CMPK1: variants seen among roughly 807,000 people sequenced by gnomAD.
CMPK1 encodes UMP-CMP kinase.
A neutral mutation model predicts 25.7 loss-of-function variants in CMPK1; 10 were observed. That is an observed-to-expected ratio of 0.39 (90% CI 0.24 to 0.66). The LOEUF is 0.66. Among genes scored for constraint, CMPK1 ranks in the 30% least tolerant of loss-of-function variants. The pLI is 0.48. For synonymous variants in CMPK1, 106 were observed against 101.5 expected, an observed-to-expected ratio of 1.04 and a Z score of -0.27; for missense variants, 199 against 280.5, an observed-to-expected ratio of 0.71 and a Z score of 2.08.
chr1:47,335,910 G>T (rs1482909745), intron 1 of CMPK1, among the ~76,000 whole-genome samples: 4 of 151,738 alleles, frequency 2.6e-5, no homozygotes, highest in Non-Finnish European at 4.4e-5. Context: ...TTACAGGCGT[G>T]CGCCACCACG....
intron 1 of CMPK1, among the ~76,000 whole-genome samples, chr1:47,355,369 A>C (rs1646552856): frequency 8.0e-6 from 1 of 125,354 alleles, no homozygotes; most frequent in Admixed American, 8.9e-5. Context: ...TTTTTTTGAG[A>C]CAGAGTCTCA....
intron 1 of CMPK1, among the ~76,000 whole-genome samples, chr1:47,339,459 T>C (rs1466940732): frequency 6.6e-6 from 1 of 152,196 alleles, no homozygotes; most frequent in Non-Finnish European, 1.5e-5. Context: ...AAACTTGATT[T>C]CATTTATCTT....
chr1:47,342,654 T>TC (rs1557801897), intron 1 of CMPK1, among the ~76,000 whole-genome samples: 1 of 129,000 alleles, frequency 7.8e-6, no homozygotes, highest in African/African-American at 4.1e-5. Context: ...TTTTTCTTTT[T>TC]TTTTTTTTTT....
chr1:47,346,471 T>G (rs1304129841), intron 1 of CMPK1, among the ~76,000 whole-genome samples: 1 of 152,104 alleles, frequency 6.6e-6, no homozygotes, highest in East Asian at 1.9e-4. Flanking sequence ...TTCTTATTAA[T>G]TTTATCTCCC....
intron 1 of CMPK1, among the ~76,000 whole-genome samples, chr1:47,355,095 G>A (rs916053649): frequency 1.3e-5 from 2 of 151,644 alleles, no homozygotes; most frequent in African/African-American, 4.8e-5. Context: ...CGCTCAGGTT[G>A]GAGTGCAATG....
chr1:47,366,253 T>A (rs1159609800), intron 1 of CMPK1, among the ~76,000 whole-genome samples: 1 of 152,244 alleles, frequency 6.6e-6, no homozygotes, highest in East Asian at 1.9e-4. Context: ...ATAGTATTTG[T>A]AAGTTGCTAT....
chr1:47,365,432 GAGA>G lies in CMPK1; in HGVS notation c.172-3036_172-3034del, dbSNP rs1439598310. 5.3e-5 allele frequency among the ~76,000 whole-genome samples: 8 copies of G among 152,010 alleles called. No homozygotes were observed. In the South Asian group the frequency reaches 8.3e-4, roughly 16 times the overall value. ...GTGGATTGCTTGAGCCCAGGAGTTT[GAGA>G]CCAGCCTGGGTAACATGGCAAAACC... On this transcript the variant is annotated intron_variant, in intron 1 of 5. Coordinates refer to ENST00000371873, the MANE Select transcript of CMPK1 (RefSeq NM_016308.3).
chr1:47,352,948 T>TA (rs1646533278), intron 1 of CMPK1, among the ~76,000 whole-genome samples: 2 of 152,214 alleles, frequency 1.3e-5, no homozygotes, highest in South Asian at 2.1e-4. Context: ...TACCAAAATT[T>TA]AAAAAAAATT....
At chr1:47,353,701 T>A (rs562339658) in intron 1 of CMPK1, among the ~76,000 whole-genome samples, 40 of 152,268 alleles carry the variant, frequency 2.6e-4, no homozygotes, top group African/African-American at 8.9e-4. Context: ...ATTTAAATCA[T>A]CAGTCTTTCC....
intron 1 of CMPK1, among the ~76,000 whole-genome samples, chr1:47,346,728 C>G (rs191731895): frequency 4.5e-4 from 67 of 150,400 alleles, no homozygotes; most frequent in African/African-American, 1.6e-3. Flanking sequence ...GGTCTCGAAC[C>G]TCAGACCTCA....
intron 1 of CMPK1, among the ~76,000 whole-genome samples, chr1:47,354,937 A>T (rs1348476177): frequency 6.6e-6 from 1 of 152,186 alleles, no homozygotes; most frequent in Admixed American, 6.6e-5. Flanking sequence ...AAGTATGAAG[A>T]TACTGGTTTC....
intron 3 of CMPK1, 106 bp downstream of exon 3, chr1:47,373,213 T>C: frequency 9.4e-7 from 1 of 1,059,550 alleles, no homozygotes; most frequent in Non-Finnish European, 1.3e-6. Flanking sequence ...GCAGCAGTGT[T>C]TTTTGAATTG....
At position 47,377,736 on chromosome 1, in the gene CMPK1, A is replaced by G. The variant is rs1446256659; in HGVS notation, c.*991A>G. The G allele has an allele frequency of 1.3e-5, 2 of 152,616 alleles. No individual in the cohort carries two copies. The highest frequency in any genetic ancestry group is 2.4e-5 in the African/African-American group (1 of 41,458). 9.5% of individuals were successfully genotyped at this position (152,616 alleles called of 1,614,324 possible). On this transcript the variant is annotated 3_prime_UTR_variant, in exon 6 of 6. Coordinates refer to ENST00000371873, the MANE Select transcript of CMPK1 (RefSeq NM_016308.3). ...ATTTGTTTAAAAAGATTTAAAAATC[A>G]TTGCACTTTGGTCAGAAAAATAATA...
chr1:47,335,376 C>T (rs1646389022), intron 1 of CMPK1, among the ~76,000 whole-genome samples: 1 of 152,172 alleles, frequency 6.6e-6, no homozygotes, highest in East Asian at 1.9e-4. Context: ...CTGTGGCTCA[C>T]TCCTGTAATC....
Position 47,337,291 on chromosome 1 carries a change from AAAAT to A in CMPK1, c.171+3193_171+3196del, listed in dbSNP as rs200190508. ...TAGCGAGATTCCATCTCAAAAAAAT[AAAAT>A]AAATAAATAAATAAATACATAAATG... On this transcript the variant is annotated intron_variant, in intron 1 of 5. Transcript: ENST00000371873. 1.3e-4 allele frequency among the ~76,000 whole-genome samples: 20 copies of A among 152,150 alleles called. No individual in the cohort carries two copies. The South Asian group carries it at 2.7e-3, about 21-fold the overall frequency.
At chr1:47,370,405 G>A (rs1006404283) in intron 2 of CMPK1, among the ~76,000 whole-genome samples, 9 of 149,642 alleles carry the variant, frequency 6.0e-5, no homozygotes, top group African/African-American at 9.8e-5. Context: ...TTGGGAGGCC[G>A]AGGCAGGGGG....
intron 2 of CMPK1, among the ~76,000 whole-genome samples, chr1:47,370,377 G>A (rs1461845401): frequency 6.0e-5 from 9 of 150,762 alleles, no homozygotes; most frequent in African/African-American, 1.5e-4. Context: ...AGTGGCTCAC[G>A]CCTGTAATCC....
rs1316430124 is a variant in CMPK1, at chr1:47,334,106, G to T, written c.161G>T (p.Arg54Leu). 5 of 1,515,780 alleles carry T rather than the reference G, an allele frequency of 3.3e-6. No individual in the cohort carries two copies. The highest frequency in any genetic ancestry group is 2.6e-5 in the East Asian group (1 of 37,982). 93.9% of individuals were successfully genotyped at this position (1,515,780 alleles called of 1,614,324 possible). Residue 54 changes from arginine (R) to leucine (L), a missense_variant, in exon 1 of 6, where the codon CGC (arginine) becomes CTC (leucine). By Grantham distance (102) the Arg-to-Leu change is moderately radical. Around this residue, in one of 2 missense-constraint regions of CMPK1, gnomAD observed 140 missense variants for 235.5 expected, o/e 0.59. Coordinates refer to ENST00000371873, the MANE Select transcript of CMPK1 (RefSeq NM_016308.3). ...PGAGKGTQCA[R>L]IVEKYGYTHL... ...GCCGGCAAGGGGACCCAGTGCGCCC[G>T]CATCGTCGAGGTGAGGCCCGGGCAG...
At chr1:47,370,966 A>ATAAG (rs1034378633) in intron 2 of CMPK1, among the ~76,000 whole-genome samples, 2 of 151,674 alleles carry the variant, frequency 1.3e-5, no homozygotes, top group Non-Finnish European at 2.9e-5. Flanking sequence ...CAAAAAATAA[A>ATAAG]TAAATAAATA....
Sources: allele counts gnomAD v4.1 joint callset (sites outside exome capture counted in the v4.1 genomes callset), GRCh38; gene constraint gnomAD v4.1.1; regional missense constraint gnomAD v4.1.1; transcripts MANE v1.5; gene names NCBI Gene and HGNC (gene_info 2026-07-23, HGNC 2026-07-21).